ITPK1: variants seen among roughly 807,000 people sequenced by gnomAD.
The protein encoded by ITPK1 is inositol-tetrakisphosphate 1-kinase.
A neutral mutation model predicts 45.3 loss-of-function variants in ITPK1; 21 were observed. That is an observed-to-expected ratio of 0.46 (90% CI 0.33 to 0.67). The LOEUF (loss-of-function observed/expected upper bound fraction) is 0.67. ITPK1 is among the 30% of genes least tolerant of loss of function. ITPK1 has a pLI of 0.02. For missense variants in ITPK1, 474 were observed against 573.5 expected, an observed-to-expected ratio of 0.83 and a Z score of 1.77; for synonymous variants, 258 against 253.6, an observed-to-expected ratio of 1.02 and a Z score of -0.16.
At chr14:93,085,125 T>C (rs549503782) in intron 2 of ITPK1, among the ~76,000 whole-genome samples, 1 of 152,272 alleles carries the variant, frequency 6.6e-6, no homozygotes, top group Non-Finnish European at 1.5e-5. Context: ...GTTTACTTGC[T>C]GATTGTTTGG....
intron 4 of ITPK1, among the ~76,000 whole-genome samples, chr14:93,007,066 G>A (rs921629121): frequency 6.6e-5 from 10 of 151,986 alleles, no homozygotes; most frequent in Non-Finnish European, 1.3e-4. Flanking sequence ...CCACGCAGAT[G>A]GAGCTGGAAG....
chr14:93,086,536 G>A (rs956982986), intron 2 of ITPK1, among the ~76,000 whole-genome samples: 4 of 152,254 alleles, frequency 2.6e-5, no homozygotes, highest in Admixed American at 6.5e-5. Context: ...ACCAGAGGGG[G>A]ACCCCAGACC....
chr14:92,975,571 C>T (rs1275463510), intron 5 of ITPK1, among the ~76,000 whole-genome samples: 3 of 152,206 alleles, frequency 2.0e-5, no homozygotes, highest in Non-Finnish European at 2.9e-5. Flanking sequence ...CATTGTTCTC[C>T]GTGTACCTGA....
In ITPK1 at chr14:93,032,282, G is replaced by A. The variant is rs1016363006; in HGVS notation, c.121-15481C>T. On this transcript the variant is annotated intron_variant, in intron 3 of 10. Coordinates refer to ENST00000267615, the MANE Select transcript of ITPK1 (RefSeq NM_014216.6). This position sits in a 1 kb window ranked among gnomAD's most constrained non-coding sequence, Gnocchi z 4.0. ...GGAGAATCACTTGAACCCAGGAGGCGGAGGTTGCAGTGAGCCGAGATTACG... is the reference window on the plus strand; with the variant it reads ...GGAGAATCACTTGAACCCAGGAGGCAGAGGTTGCAGTGAGCCGAGATTACG... Among the ~76,000 whole-genome samples the A allele has an allele frequency of 1.3e-5, 2 of 152,086 alleles. No individual in the cohort carries two copies. The highest frequency in any genetic ancestry group is 4.8e-5 in the African/African-American group (2 of 41,396).
intron 7 of ITPK1, among the ~76,000 whole-genome samples, chr14:92,960,182 G>T (rs1362248547): frequency 1.3e-5 from 2 of 152,210 alleles, no homozygotes; most frequent in East Asian, 3.8e-4. Flanking sequence ...AGCCGGCTGG[G>T]GAGTAGAGGG....
At chr14:92,978,445 G>A (rs1886056966) in intron 5 of ITPK1, among the ~76,000 whole-genome samples, 1 of 152,036 alleles carries the variant, frequency 6.6e-6, no homozygotes, top group Non-Finnish European at 1.5e-5. Context: ...ATTTGCATAA[G>A]AAGCCCTGAA....
At chr14:92,970,636 T>C (rs867581862) in intron 5 of ITPK1, among the ~76,000 whole-genome samples, 2 of 144,230 alleles carry the variant, frequency 1.4e-5, no homozygotes, top group Non-Finnish European at 3.0e-5. Flanking sequence ...TCTCGCAGCA[T>C]CATTTTTTTT....
chr14:93,019,209 G>A (rs1463124999), intron 3 of ITPK1, among the ~76,000 whole-genome samples: 1 of 152,180 alleles, frequency 6.6e-6, no homozygotes, highest in Non-Finnish European at 1.5e-5. Context: ...ACGCATCCGG[G>A]CCCACAGAAC....
At chr14:93,020,731 T>G (rs1888422532) in intron 3 of ITPK1, among the ~76,000 whole-genome samples, 1 of 152,182 alleles carries the variant, frequency 6.6e-6, no homozygotes, top group Non-Finnish European at 1.5e-5. Context: ...AATTTCTCAG[T>G]AACTGGTTTC....
rs111445296 is a variant in ITPK1 at position 93,107,709 on chromosome 14, G to A, written c.95+7360C>T. On this transcript the variant is annotated intron_variant, in intron 2 of 10. Transcript: ENST00000267615. ...GTGAGAGTGATTCTTGACGCTCCAC[G>A]GCTCCACGGGATCTCTGACACGAAT... Among the ~76,000 whole-genome samples, 920 of 152,266 alleles carry A rather than the reference G, an allele frequency of 6.0e-3. 5 individuals carry two copies. Among genetic ancestry groups the A allele is most frequent in the African/African-American group, 0.02 (812 of 41,550 alleles).
At chr14:92,953,182 G>C (rs1277603984) in intron 8 of ITPK1, among the ~76,000 whole-genome samples, 2 of 152,238 alleles carry the variant, frequency 1.3e-5, no homozygotes, top group Non-Finnish European at 2.9e-5. Flanking sequence ...TCACAGCGCC[G>C]CAACAATTAT....
intron 5 of ITPK1, among the ~76,000 whole-genome samples, chr14:92,979,687 C>T (rs1189224898): frequency 3.3e-5 from 5 of 152,082 alleles, no homozygotes; most frequent in African/African-American, 7.2e-5. Context: ...CTTTGCCTTC[C>T]GCCATGATTG....
At chr14:93,062,107 C>T (rs997024781) in intron 3 of ITPK1, among the ~76,000 whole-genome samples, 8 of 152,132 alleles carry the variant, frequency 5.3e-5, no homozygotes, top group Admixed American at 3.3e-4. Context: ...CCCATCACTA[C>T]TAAAAATACA....
intron 5 of ITPK1, among the ~76,000 whole-genome samples, chr14:92,992,340 C>A (rs1348467980): frequency 6.6e-6 from 1 of 152,208 alleles, no homozygotes; most frequent in African/African-American, 2.4e-5. Flanking sequence ...TGAAGGTGAC[C>A]CCAGGAGGGA....
intron 3 of ITPK1, among the ~76,000 whole-genome samples, chr14:93,018,695 G>A (rs1888315463): frequency 6.6e-6 from 1 of 152,174 alleles, no homozygotes; most frequent in African/African-American, 2.4e-5. Context: ...GGAAGGGGAA[G>A]GGAAAGACAC....
At position 92,941,187 on chromosome 14, in the gene ITPK1, C is replaced by T. The variant is rs1325296640; in HGVS notation, c.*374G>A. ...ACATGGGCAGGCTTCCCCCAAGGGT[C>T]CCGGTCCACAGTGGCCATGGAGACC... On this transcript the variant is annotated 3_prime_UTR_variant, in exon 11 of 11. Coordinates refer to ENST00000267615, the MANE Select transcript of ITPK1 (RefSeq NM_014216.6). 2 of 1,245,674 alleles carry T rather than the reference C, an allele frequency of 1.6e-6. No individual in the cohort carries two copies. Among genetic ancestry groups the T allele is most frequent in the Non-Finnish European group, 2.0e-6 (2 of 982,244 alleles). The allele number at this position is 1,245,674 out of a possible 1,614,324, so 77.2% of individuals were successfully genotyped here. A position where few individuals can be genotyped will look rare whatever the true frequency, so the allele number is the denominator to read the frequency against.
intron 2 of ITPK1, among the ~76,000 whole-genome samples, chr14:93,097,609 A>G (rs1338426328): frequency 6.6e-6 from 1 of 152,270 alleles, no homozygotes; most frequent in Admixed American, 6.5e-5. Context: ...TTATGCATCA[A>G]TAACTGATAA....
chr14:92,963,163 T>C (rs893007051), intron 5 of ITPK1, among the ~76,000 whole-genome samples: 2 of 152,244 alleles, frequency 1.3e-5, no homozygotes, highest in Admixed American at 6.5e-5. Flanking sequence ...CTGTGGACTT[T>C]TACCCACGCG....
In ITPK1 at chr14:92,958,042, T is replaced by TAAAG. The variant is rs1264713235; in HGVS notation, c.670+158_670+159insCTTT. Among the ~76,000 whole-genome samples, 2 of 152,102 alleles carry TAAAG rather than the reference T, an allele frequency of 1.3e-5. No individual in the cohort carries two copies. The highest frequency in any genetic ancestry group is 4.8e-5 in the African/African-American group (2 of 41,416). ...ATTTTACTAGTTCCCCAAGACCTCT[T>TAAAG]TATCCACCGTACACAACTGTTTCCA... On this transcript the variant is annotated intron_variant, in intron 8 of 10. Transcript: ENST00000267615. This position sits in a 1 kb window ranked among gnomAD's most constrained non-coding sequence, Gnocchi z 4.4.
Sources: gnomAD v4.1 joint callset for allele counts (sites outside exome capture counted in the v4.1 genomes callset) on GRCh38, gnomAD v4.1.1 for gene constraint, Gnocchi (gnomAD v3.1) non-coding constraint, MANE v1.5 for transcripts, NCBI Gene and HGNC (gene_info 2026-07-23, HGNC 2026-07-21) for gene names.